TNRC18: variants seen among roughly 807,000 people sequenced by gnomAD.
TNRC18 encodes the protein trinucleotide repeat-containing gene 18 protein.
In TNRC18, 69 loss-of-function variants were observed where a neutral mutation model predicts 226.7. The ratio of observed to expected loss-of-function variants is 0.30; its 90% CI spans 0.25 to 0.37. The LOEUF is 0.37. Among genes scored for constraint, TNRC18 ranks in the 10% least tolerant of loss-of-function variants. The probability of loss-of-function intolerance (pLI) is 1.00; values close to 1 mark genes in which losing one functional copy is unlikely to be tolerated. For synonymous variants in TNRC18, 2,449 were observed against 1,927.6 expected, an observed-to-expected ratio of 1.27 and a Z score of -7.09; for missense variants, 4,754 against 4,256.6, an observed-to-expected ratio of 1.12 and a Z score of -3.25.
chr7:5,416,251 A>G (rs1782181223), intron 2 of TNRC18, among the ~76,000 whole-genome samples: 2 of 151,820 alleles, frequency 1.3e-5, no homozygotes, highest in African/African-American at 2.4e-5. Flanking sequence ...CGTCTGTACT[A>G]AAAGTACAAA....
At chr7:5,320,972 A>G in intron 22 of TNRC18, 101 bp downstream of exon 22, 2 of 867,254 alleles carry the variant, frequency 2.3e-6, no homozygotes, top group Non-Finnish European at 3.6e-6. Flanking sequence ...ATCGGGGGAA[A>G]CCACAGCCCA....
intron 19 of TNRC18, among the ~76,000 whole-genome samples, chr7:5,328,936 G>C (rs1243299179): frequency 1.3e-5 from 2 of 152,168 alleles, no homozygotes; most frequent in African/African-American, 4.8e-5. Flanking sequence ...GCTGCAGTCA[G>C]CTACAATCAC....
chr7:5,419,316 G>A (rs1372873377), intron 2 of TNRC18, among the ~76,000 whole-genome samples: 1 of 152,228 alleles, frequency 6.6e-6, no homozygotes, highest in Admixed American at 6.5e-5. Context: ...GATCGCAGGC[G>A]GGGAGTGCGC....
chr7:5,322,539 A>T (rs1374463322), intron 21 of TNRC18, among the ~76,000 whole-genome samples: 2 of 151,944 alleles, frequency 1.3e-5, no homozygotes, highest in Non-Finnish European at 2.9e-5. Flanking sequence ...TGATCCTCCC[A>T]CCTCGGCCCC....
At chr7:5,397,530 C>T (rs1000645027) in intron 2 of TNRC18, among the ~76,000 whole-genome samples, 24 of 152,178 alleles carry the variant, frequency 1.6e-4, no homozygotes, top group African/African-American at 5.8e-4. Context: ...TTCTCAGTGC[C>T]TCAGTCTGCC....
In TNRC18 at chr7:5,352,039, G is replaced by T. The variant is rs1293343704; in HGVS notation, c.5250C>A (p.Gly1750=). 6.2e-7 allele frequency: 1 copy of T among 1,613,558 alleles called. No homozygotes were observed. The highest frequency in any genetic ancestry group is 8.5e-7 in the Non-Finnish European group (1 of 1,179,764). The part of the protein sequence containing the change: ...EFLKDEWPAQ[G]PSSSKLTPSL... Reference sequence around the variant, plus strand: ...AAGGCGTCAGTTTGGAGCTGGAGGGGCCTTGGGCGGGCCACTCGTCCTTCA... The same window carrying T: ...AAGGCGTCAGTTTGGAGCTGGAGGGTCCTTGGGCGGGCCACTCGTCCTTCA... The change falls in exon 17 of 30, where the codon GGC becomes GGA. Residue 1750 remains glycine, a synonymous_variant. Transcript: ENST00000430969.
chr7:5,319,879 C>G (rs527463213), intron 24 of TNRC18, among the ~76,000 whole-genome samples: 19 of 152,126 alleles, frequency 1.2e-4, no homozygotes, highest in African/African-American at 4.3e-4. Context: ...TCTCAGCCCA[C>G]GAATAAAAGG....
intron 2 of TNRC18, among the ~76,000 whole-genome samples, chr7:5,397,892 G>A (rs1274298660): frequency 6.6e-6 from 1 of 152,194 alleles, no homozygotes; most frequent in South Asian, 2.1e-4. Context: ...TTGAGGGCGG[G>A]GACTATCTTC....
At chr7:5,347,997 C>G (rs993970281) in intron 17 of TNRC18, among the ~76,000 whole-genome samples, 5 of 152,126 alleles carry the variant, frequency 3.3e-5, no homozygotes, top group Non-Finnish European at 7.4e-5. Context: ...CATAAAGAAG[C>G]CCCAGCCTGC....
chr7:5,363,538 A>G (rs1260948865), intron 11 of TNRC18, among the ~76,000 whole-genome samples: 1 of 152,118 alleles, frequency 6.6e-6, no homozygotes, highest in Non-Finnish European at 1.5e-5. Flanking sequence ...TGGGAGGCGG[A>G]GCTTGCAGTA....
intron 16 of TNRC18, 27 bp from the exon 17 acceptor site, chr7:5,352,121 G>A (rs1477530750): frequency 3.8e-6 from 6 of 1,575,480 alleles, no homozygotes; most frequent in South Asian, 1.2e-5. Context: ...TTTTAATAGA[G>A]ATAAGTCACA....
At chr7:5,400,964 C>T (rs190865349) in intron 2 of TNRC18, among the ~76,000 whole-genome samples, 24 of 152,240 alleles carry the variant, frequency 1.6e-4, no homozygotes, top group Admixed American at 1.2e-3. Flanking sequence ...ATTGCTCGAG[C>T]ACAGGAGGCT....
chr7:5,397,832 C>G (rs556676908), intron 2 of TNRC18, among the ~76,000 whole-genome samples: 1 of 152,142 alleles, frequency 6.6e-6, no homozygotes, highest in Non-Finnish European at 1.5e-5. Flanking sequence ...GATCTGCCAG[C>G]CTCCTTGTGG....
chr7:5,372,513 G>A (rs1794262588), intron 10 of TNRC18, among the ~76,000 whole-genome samples: 1 of 151,030 alleles, frequency 6.6e-6, no homozygotes, highest in Non-Finnish European at 1.5e-5. Context: ...GTGAGCCACT[G>A]TGCCTGACCT....
Position 5,389,227 on chromosome 7 carries a change from C to T in TNRC18, c.597G>A (p.Ser199=), listed in dbSNP as rs1327774698. The T allele has an allele frequency of 4.2e-5, 56 of 1,337,152 alleles. No individual in the cohort carries two copies. Among genetic ancestry groups the T allele is most frequent in the Non-Finnish European group, 5.3e-5 (55 of 1,046,352 alleles). 82.8% of individuals were successfully genotyped at this position (1,337,152 alleles called of 1,614,324 possible). A position where few individuals can be genotyped will look rare whatever the true frequency, so the allele number is the denominator to read the frequency against. Residue 199 remains serine (S), a synonymous_variant, in exon 5 of 30, where the codon TCG becomes TCA. Coordinates refer to ENST00000430969, the MANE Select transcript of TNRC18 (RefSeq NM_001080495.3). ...GHSSGAPAKG[S]SSRDGPAKER... Reference sequence around the variant, plus strand: ...CCTTGGCTGGACCGTCCCGCGACGACGAGCCTTTGGCCGGGGCGCCCGAGG... The same window carrying T: ...CCTTGGCTGGACCGTCCCGCGACGATGAGCCTTTGGCCGGGGCGCCCGAGG...
chr7:5,353,686 C>T (rs755108513), intron 16 of TNRC18, among the ~76,000 whole-genome samples: 1 of 152,176 alleles, frequency 6.6e-6, no homozygotes, highest in Non-Finnish European at 1.5e-5. Flanking sequence ...GCTGGACACA[C>T]CCCTACCTCC....
chr7:5,319,483 C>A (rs182359777), intron 24 of TNRC18, among the ~76,000 whole-genome samples: 12 of 152,216 alleles, frequency 7.9e-5, no homozygotes, highest in Non-Finnish European at 1.5e-4. Flanking sequence ...CCTAGGGTAC[C>A]TGTTGTTTTT....
chr7:5,311,192 A>ATGTGTGTG (rs1787167387), intron 27 of TNRC18, among the ~76,000 whole-genome samples: 2 of 151,720 alleles, frequency 1.3e-5, no homozygotes, highest in African/African-American at 2.4e-5. Context: ...GTGCACACAT[A>ATGTGTGTG]TGTGCGTGTG....
Position 5,376,579 on chromosome 7 carries a change from G to A in TNRC18, c.2608+268C>T, listed in dbSNP as rs575709037. Among the ~76,000 whole-genome samples the A allele has an allele frequency of 9.2e-5, 14 of 152,260 alleles. No homozygotes were observed. In the East Asian group the frequency reaches 9.7e-4, roughly 11 times the overall value. On this transcript the variant is annotated intron_variant, in intron 8 of 29. Transcript: ENST00000430969. ...CTACAAGGTGGATTCCTGGGGAGGC[G>A]GTGGCGCCAGGTAAGGGGAATCCCA...
Sources: gnomAD v4.1 joint callset for allele counts (sites outside exome capture counted in the v4.1 genomes callset) on GRCh38, gnomAD v4.1.1 for gene constraint, MANE v1.5 for transcripts, NCBI Gene and HGNC (gene_info 2026-07-23, HGNC 2026-07-21) for gene names.